FRMD3: variants seen among roughly 807,000 people sequenced by gnomAD.
FRMD3 encodes FERM domain-containing protein 3.
In FRMD3, 33 loss-of-function variants were observed where a neutral mutation model predicts 70.2. That is an observed-to-expected ratio of 0.47 (90% CI 0.36 to 0.63). The LOEUF is 0.63. Ranked by LOEUF, FRMD3 falls within the 20% of genes least tolerant of loss-of-function variation. The pLI, the probability that FRMD3 is intolerant of heterozygous loss-of-function variation, is 0.00. For synonymous variants in FRMD3, 279 were observed against 255.9 expected (o/e 1.09, Z -0.86); for missense variants, 632 against 711.4 (o/e 0.89, Z 1.27).
At chr9:83,460,672 G>A (rs1349729155) in intron 1 of FRMD3, among the ~76,000 whole-genome samples, 3 of 152,132 alleles carry the variant, frequency 2.0e-5, no homozygotes, top group African/African-American at 7.2e-5. Context: ...TGTAAAACAT[G>A]TACATGGTTT....
intron 13 of FRMD3, among the ~76,000 whole-genome samples, chr9:83,255,022 C>A (rs1219333194): frequency 6.6e-6 from 1 of 152,178 alleles, no homozygotes; most frequent in Non-Finnish European, 1.5e-5. Flanking sequence ...TTTTACCTAA[C>A]TCATTTTATG....
At chr9:83,333,937 C>T (rs1823485453) in intron 6 of FRMD3, among the ~76,000 whole-genome samples, 1 of 152,102 alleles carries the variant, frequency 6.6e-6, no homozygotes, top group Admixed American at 6.6e-5. Context: ...GGATAATGCA[C>T]TTAAAGCTCT....
chr9:83,412,366 C>T (rs1275405206), intron 1 of FRMD3, among the ~76,000 whole-genome samples: 2 of 151,738 alleles, frequency 1.3e-5, no homozygotes, highest in African/African-American at 4.8e-5. Flanking sequence ...CTTTGGTGAA[C>T]ATATATAAGT....
chr9:83,289,462 CCTT>C (rs1834331353), intron 13 of FRMD3, among the ~76,000 whole-genome samples: 1 of 152,232 alleles, frequency 6.6e-6, no homozygotes, highest in Non-Finnish European at 1.5e-5. Context: ...GCCTAGTTCT[CCTT>C]CTAACCATCA....
chr9:83,296,482 C>T (rs1047390533), intron 12 of FRMD3, among the ~76,000 whole-genome samples: 11 of 152,180 alleles, frequency 7.2e-5, no homozygotes, highest in South Asian at 2.1e-4. Context: ...AAGATAGACA[C>T]GGTCCTTTCC....
intron 1 of FRMD3, among the ~76,000 whole-genome samples, chr9:83,486,363 A>C (rs553810498): frequency 2.0e-5 from 3 of 152,332 alleles, no homozygotes; most frequent in South Asian, 4.1e-4. Context: ...TTTGGTAGCC[A>C]GCAGGCAGCA....
At chr9:83,357,828 T>C (rs1157085482) in intron 3 of FRMD3, among the ~76,000 whole-genome samples, 2 of 152,210 alleles carry the variant, frequency 1.3e-5, no homozygotes, top group African/African-American at 4.8e-5. Flanking sequence ...ATATTAGTCC[T>C]TTGTCAAATG....
intron 3 of FRMD3, among the ~76,000 whole-genome samples, chr9:83,364,526 A>T (rs1824726001): frequency 6.6e-6 from 1 of 151,710 alleles, no homozygotes; most frequent in African/African-American, 2.4e-5. Flanking sequence ...ACTGCACGCC[A>T]GCCTGGTGAC....
chr9:83,393,923 T>C (rs755038618), intron 1 of FRMD3, among the ~76,000 whole-genome samples: 31 of 123,052 alleles, frequency 2.5e-4, no homozygotes, highest in Non-Finnish European at 4.4e-4. Flanking sequence ...TGTGTGTTTT[T>C]GATTTTGTTT....
At chr9:83,584,489 A>C in the FRMD3 span, among the ~76,000 whole-genome samples, 13 of 151,742 alleles carry the variant, frequency 8.6e-5, no homozygotes, top group South Asian at 8.4e-4. Context: ...ATCCCCGTTA[A>C]TTTTAGAGTG....
At chr9:83,520,763 T>C (rs1829552963) in intron 1 of FRMD3, among the ~76,000 whole-genome samples, 2 of 152,096 alleles carry the variant, frequency 1.3e-5, no homozygotes, top group Admixed American at 6.6e-5. Context: ...ATTTCTGCAA[T>C]TGCTTACATC....
At position 83,373,253 on chromosome 9, in the gene FRMD3, C is replaced by T. The variant is rs151098633; in HGVS notation, c.253-298G>A. 2.1e-3 allele frequency among the ~76,000 whole-genome samples: 322 copies of T among 152,244 alleles called. 3 individuals are homozygous for T. Among genetic ancestry groups the T allele is most frequent in the African/African-American group, 7.1e-3 (296 of 41,536 alleles). Reference sequence around the variant, plus strand: ...ATGTTCTAGTACCCCTAATTGACTCCTAGGTGATTCTTTGAGCTGCATGGT... The same window carrying T: ...ATGTTCTAGTACCCCTAATTGACTCTTAGGTGATTCTTTGAGCTGCATGGT... On this transcript the variant is annotated intron_variant, in intron 2 of 13. Coordinates refer to ENST00000304195, the MANE Select transcript of FRMD3 (RefSeq NM_174938.6).
intron 13 of FRMD3, among the ~76,000 whole-genome samples, chr9:83,272,532 T>C (rs531868937): frequency 5.8e-4 from 88 of 152,198 alleles, no homozygotes; most frequent in African/African-American, 2.0e-3. Flanking sequence ...CGCCACCCCC[T>C]CTGGGAAGTG....
chr9:83,251,188 C>G (rs1036688532), intron 13 of FRMD3, among the ~76,000 whole-genome samples: 8 of 152,136 alleles, frequency 5.3e-5, no homozygotes, highest in Admixed American at 5.2e-4. Context: ...TGTTTCATAG[C>G]CTTCACTGGT....
intron 6 of FRMD3, among the ~76,000 whole-genome samples, chr9:83,320,996 G>A (rs554897280): frequency 6.6e-6 from 1 of 152,196 alleles, no homozygotes; most frequent in African/African-American, 2.4e-5. Context: ...AATAGTCTCT[G>A]ATGATCTTTT....
intron 1 of FRMD3, among the ~76,000 whole-genome samples, chr9:83,535,851 C>A (rs1044116102): frequency 1.3e-5 from 2 of 152,002 alleles, no homozygotes; most frequent in African/African-American, 4.8e-5. Context: ...CTTTGTAGTT[C>A]TATAGAAGGA....
At chr9:83,453,917 G>A (rs945561302) in intron 1 of FRMD3, among the ~76,000 whole-genome samples, 7 of 151,816 alleles carry the variant, frequency 4.6e-5, no homozygotes, top group Non-Finnish European at 2.9e-5. Context: ...GGGTTTTGCC[G>A]TGTTAGCCAG....
At chr9:83,314,577 A>AC (rs1477055426) in intron 6 of FRMD3, among the ~76,000 whole-genome samples, 2 of 148,562 alleles carry the variant, frequency 1.3e-5, no homozygotes, top group Non-Finnish European at 3.0e-5. Context: ...TTGTCCCCCC[A>AC]CCCCCTCAAG....
At chr9:83,407,445 A>C (rs1258804214) in intron 1 of FRMD3, among the ~76,000 whole-genome samples, 1 of 152,178 alleles carries the variant, frequency 6.6e-6, no homozygotes, top group Non-Finnish European at 1.5e-5. Context: ...GGGAATTTTT[A>C]ATCTCTGTAT....
Sources: gnomAD v4.1 joint callset for allele counts (sites outside exome capture counted in the v4.1 genomes callset) on GRCh38, gnomAD v4.1.1 for gene constraint, MANE v1.5 for transcripts, NCBI Gene and HGNC (gene_info 2026-07-23, HGNC 2026-07-21) for gene names.